RGS6: variants seen among roughly 807,000 people sequenced by gnomAD.
RGS6 encodes the protein regulator of G protein signaling 6.
Under a neutral mutation model 78.5 loss-of-function variants are expected in RGS6, and 30 were observed. That is an observed-to-expected ratio of 0.38 (90% confidence interval 0.29 to 0.52). RGS6 has a LOEUF of 0.52. Ranked by LOEUF, RGS6 falls within the 20% of genes least tolerant of loss-of-function variation. RGS6 has a pLI of 0.85. For missense variants in RGS6, 495 were observed against 609.7 expected (o/e 0.81, Z 1.98); for synonymous variants, 206 against 206.0 (o/e 1.00, Z 0.00).
chr14:72,302,521 C>T (rs919315657), intron 2 of RGS6, among the ~76,000 whole-genome samples: 2 of 152,186 alleles, frequency 1.3e-5, no homozygotes, highest in African/African-American at 2.4e-5. Context: ...ACTTTTCCCC[C>T]TTTTAGAATA....
At chr14:72,031,046 T>C (rs1407573235) in intron 2 of RGS6, among the ~76,000 whole-genome samples, 1 of 151,876 alleles carries the variant, frequency 6.6e-6, no homozygotes, top group African/African-American at 2.4e-5. Context: ...ACTCTTAGGT[T>C]GTAGTTGTGG....
At chr14:72,272,233 G>A (rs2060053294) in intron 2 of RGS6, among the ~76,000 whole-genome samples, 2 of 152,258 alleles carry the variant, frequency 1.3e-5, no homozygotes, top group South Asian at 4.1e-4. Context: ...AGTGAAGAGG[G>A]TTAGCTGGCC....
intron 3 of RGS6, among the ~76,000 whole-genome samples, chr14:72,376,721 A>T (rs908091302): frequency 4.6e-5 from 7 of 152,336 alleles, no homozygotes; most frequent in Admixed American, 3.9e-4. Flanking sequence ...ATTCAATATT[A>T]TGCCCAGCAA....
chr14:72,550,535 A>G (rs538392603), intron 17 of RGS6: 2 of 1,535,752 alleles, frequency 1.3e-6, no homozygotes, highest in South Asian at 1.2e-5. Context: ...GAGATGGAGC[A>G]TCCAAGACAA....
the RGS6 span, chr14:72,619,830 TA>T: frequency 3.7e-6 from 5 of 1,362,544 alleles, no homozygotes; most frequent in Non-Finnish European, 3.9e-6. Flanking sequence ...GCCTGTACCA[TA>T]GTGAGAGCTC....
the RGS6 span, among the ~76,000 whole-genome samples, chr14:71,916,622 A>G: frequency 2.0e-5 from 3 of 152,238 alleles, no homozygotes; most frequent in East Asian, 5.8e-4. Flanking sequence ...CCAGACGCCG[A>G]GCCCGACCCC....
intron 2 of RGS6, among the ~76,000 whole-genome samples, chr14:72,180,069 G>A (rs1032428846): frequency 6.6e-6 from 1 of 152,166 alleles, no homozygotes; most frequent in African/African-American, 2.4e-5. Context: ...CAAAACTAAT[G>A]GGAGTTTAAG....
chr14:72,136,700 G>A (rs967745258), intron 2 of RGS6, among the ~76,000 whole-genome samples: 1 of 152,146 alleles, frequency 6.6e-6, no homozygotes, highest in Non-Finnish European at 1.5e-5. Flanking sequence ...TTTGGGTAGG[G>A]ACACAGCCAA....
At chr14:72,375,949 C>A (rs574412850) in intron 3 of RGS6, among the ~76,000 whole-genome samples, 1 of 152,002 alleles carries the variant, frequency 6.6e-6, no homozygotes, top group South Asian at 2.1e-4. Flanking sequence ...TGTAGGGACA[C>A]AATAAACATG....
At chr14:72,412,793 A>G (rs1004415744) in intron 3 of RGS6, among the ~76,000 whole-genome samples, 1 of 152,198 alleles carries the variant, frequency 6.6e-6, no homozygotes, top group Non-Finnish European at 1.5e-5. Flanking sequence ...GTTTCAAAGA[A>G]CATCTTTATG....
In RGS6 at chr14:72,470,073, G is replaced by A. The variant is rs2096031437; in HGVS notation, c.526G>A (p.Ala176Thr). The stretch of plus-strand genomic sequence containing the variant: ...GGAATTCATCTTTATGCAAGCAGAA[G>A]CACAAGTAAAGTAGGTGAACTTGAT... The part of the protein sequence containing the change: ...KWEFIFMQAE[A>T]QVKIDRKKDK... The change falls in exon 8 of 18, where the codon GCA (alanine) becomes ACA (threonine). Residue 176 changes from alanine to threonine, a missense_variant. Coordinates refer to ENST00000553525, the MANE Select transcript of RGS6 (RefSeq NM_001204424.2). The A allele has an allele frequency of 6.2e-7, 1 of 1,612,084 alleles. No homozygotes were observed. The highest frequency in any genetic ancestry group is 1.1e-5 in the South Asian group (1 of 91,044).
chr14:72,395,053 A>C (rs2090886474), intron 3 of RGS6, among the ~76,000 whole-genome samples: 1 of 152,212 alleles, frequency 6.6e-6, no homozygotes, highest in Non-Finnish European at 1.5e-5. Flanking sequence ...AAGAAACAAA[A>C]TCAAATTATT....
At chr14:72,038,363 T>C (rs550834389) in intron 2 of RGS6, among the ~76,000 whole-genome samples, 2 of 152,310 alleles carry the variant, frequency 1.3e-5, no homozygotes, top group South Asian at 4.1e-4. Context: ...TTCAAAATTG[T>C]TTTGGCTATT....
chr14:72,498,733 G>A (rs775181203), intron 13 of RGS6, among the ~76,000 whole-genome samples: 13 of 152,226 alleles, frequency 8.5e-5, no homozygotes, highest in African/African-American at 2.4e-4. Context: ...AAAAATACAC[G>A]CATACTGGGG....
the RGS6 span, among the ~76,000 whole-genome samples, chr14:71,885,986 C>A: frequency 6.6e-6 from 1 of 151,428 alleles, no homozygotes; most frequent in African/African-American, 2.4e-5. Context: ...CTCTCCTTCC[C>A]TTCCCCTCCA....
intron 17 of RGS6, among the ~76,000 whole-genome samples, chr14:72,549,172 C>T (rs979360589): frequency 6.6e-6 from 1 of 152,088 alleles, no homozygotes; most frequent in African/African-American, 2.4e-5. Flanking sequence ...ATGACACACT[C>T]AAAGCAAGGG....
chr14:72,355,882 AT>A (rs2080160479), intron 3 of RGS6, among the ~76,000 whole-genome samples: 2 of 152,174 alleles, frequency 1.3e-5, no homozygotes, highest in African/African-American at 4.8e-5. Context: ...TTCCTGGAAC[AT>A]TGAGGATCTG....
intron 2 of RGS6, among the ~76,000 whole-genome samples, chr14:72,045,225 A>G (rs2092736830): frequency 6.6e-6 from 1 of 152,186 alleles, no homozygotes; most frequent in Non-Finnish European, 1.5e-5. Flanking sequence ...TAAATTTCCT[A>G]TCCGATAAGT....
chr14:72,200,106 A>G (rs1441920253), intron 2 of RGS6, among the ~76,000 whole-genome samples: 1 of 152,182 alleles, frequency 6.6e-6, no homozygotes, highest in Admixed American at 6.5e-5. Context: ...TCCTATTGGG[A>G]TAATTAGGGA....
Sources: gnomAD v4.1 joint callset for allele counts (sites outside exome capture counted in the v4.1 genomes callset) on GRCh38, gnomAD v4.1.1 for gene constraint, MANE v1.5 for transcripts, NCBI Gene and HGNC (gene_info 2026-07-23, HGNC 2026-07-21) for gene names.